Variants in RCOR2 observed in about 807,000 individuals in gnomAD.
RCOR2 encodes REST corepressor 2.
A neutral mutation model predicts 58.9 loss-of-function variants in RCOR2; 19 were observed. The observed-to-expected ratio is 0.32, with a 90% CI of 0.23 to 0.47. RCOR2 has a LOEUF of 0.47. Ranked by LOEUF, RCOR2 falls within the 20% of genes least tolerant of loss-of-function variation. The pLI is 1.00. For synonymous variants in RCOR2, 286 were observed against 278.7 expected, an observed-to-expected ratio of 1.03 and a Z score of -0.26; for missense variants, 590 against 707.9, an observed-to-expected ratio of 0.83 and a Z score of 1.89.
In RCOR2 at chr11:63,911,654, G is replaced by T. The variant is rs1166975714; in HGVS notation, c.*211C>A. 4.3e-6 allele frequency: 3 copies of T among 700,082 alleles called. No individual in the cohort carries two copies. Among genetic ancestry groups the T allele is most frequent in the African/African-American group, 1.9e-5 (1 of 52,652 alleles). The allele number at this position is 700,082 out of a possible 1,614,324, so 43.4% of individuals were successfully genotyped here. A position where few individuals can be genotyped will look rare whatever the true frequency, so the allele number is the denominator to read the frequency against. ...AAAGTGCCCTCAGGCCAGCTCAAAG[G>T]CCCCTGAGCCCGGCCATGGCCCCAG... On this transcript the variant is annotated 3_prime_UTR_variant, in exon 12 of 12. Transcript: ENST00000301459.
At chr11:63,925,588 T>G in the RCOR2 span, among the ~76,000 whole-genome samples, 1 of 149,362 alleles carries the variant, frequency 6.7e-6, no homozygotes, top group African/African-American at 2.5e-5. Flanking sequence ...GAGGCAGAGG[T>G]GGGTGAATCG....
At position 63,916,355 on chromosome 11, in the gene RCOR2, G is replaced by A; in HGVS notation, c.102C>T (p.Asp34=). ...PNGGQPHSED[D]SSEEEHSHDS... ...CGTGCGAGTGCTCCTCCTCGCTGCT[G>A]TCATCCTCCGAGTGGGGCTGTCCGC... The change falls in exon 1 of 12, where the codon GAC becomes GAT. Residue 34 remains aspartate, a synonymous_variant. Transcript: ENST00000301459. 1 of 1,607,482 alleles carries A rather than the reference G, an allele frequency of 6.2e-7. No individual in the cohort carries two copies.
At chr11:63,919,565 T>C (rs1941902577), upstream of RCOR2, among the ~76,000 whole-genome samples, 1 of 151,522 alleles carries the variant, frequency 6.6e-6, no homozygotes, top group Admixed American at 6.5e-5. Flanking sequence ...GGCACAGAGG[T>C]GCCACGTGGC....
chr11:63,926,708 ACTCCTGAC>A, the RCOR2 span, among the ~76,000 whole-genome samples: 1 of 143,384 alleles, frequency 7.0e-6, no homozygotes, highest in Non-Finnish European at 1.5e-5. Context: ...CTGGTCTTGA[ACTCCTGAC>A]CTCACGATCC....
chr11:63,915,316 A>T, intron 2 of RCOR2, 58 bp from the exon 3 acceptor site: 1 of 1,473,812 alleles, frequency 6.8e-7, no homozygotes, highest in Non-Finnish European at 9.3e-7. Context: ...GCACAAGCCT[A>T]GACCCATGGC....
Position 63,912,549 on chromosome 11 carries a change from AG to A in RCOR2, c.1028-16del. ...CCTACGGATGGCTGCAAGGGTCAAAAGGGCAGCAGCGTCAATACCCCTTCGA... is the reference window on the plus strand; with the variant it reads ...CCTACGGATGGCTGCAAGGGTCAAAAGGCAGCAGCGTCAATACCCCTTCGA... On this transcript the variant is annotated splice_polypyrimidine_tract_variant and intron_variant, in intron 10 of 11. Coordinates refer to ENST00000301459, the MANE Select transcript of RCOR2 (RefSeq NM_173587.4). The A allele has an allele frequency of 6.2e-7, 1 of 1,606,824 alleles. No individual in the cohort carries two copies. Among genetic ancestry groups the A allele is most frequent in the Non-Finnish European group, 8.5e-7 (1 of 1,173,422 alleles).
intron 8 of RCOR2, among the ~76,000 whole-genome samples, chr11:63,913,180 A>ATTTTTTT (rs1161435029): frequency 1.9e-5 from 2 of 104,292 alleles, no homozygotes; most frequent in African/African-American, 3.8e-5. Flanking sequence ...ATATATATAT[A>ATTTTTTT]TATATTTTTT....
At chr11:63,924,014 T>A in the RCOR2 span, among the ~76,000 whole-genome samples, 1 of 152,236 alleles carries the variant, frequency 6.6e-6, no homozygotes, top group Non-Finnish European at 1.5e-5. Flanking sequence ...GTTCAAGCGA[T>A]TCTCCTGCCT....
the RCOR2 span, among the ~76,000 whole-genome samples, chr11:63,923,180 G>A: frequency 2.0e-5 from 3 of 151,616 alleles, no homozygotes; most frequent in African/African-American, 4.9e-5. Flanking sequence ...CTCAGTGCCA[G>A]CCCCACCACA....
At position 63,915,589 on chromosome 11, in the gene RCOR2, G is replaced by C. The variant is rs749806083; in HGVS notation, c.150C>G (p.Thr50=). 6.9e-6 allele frequency: 10 copies of C among 1,458,244 alleles called. No homozygotes were observed. Among genetic ancestry groups the C allele is most frequent in the Non-Finnish European group, 8.3e-6 (9 of 1,088,172 alleles). The allele number at this position is 1,458,244 out of a possible 1,614,324, so 90.3% of individuals were successfully genotyped here. A position where few individuals can be genotyped will look rare whatever the true frequency, so the allele number is the denominator to read the frequency against. The change falls in exon 2 of 12, where the codon ACC becomes ACG. Residue 50 remains threonine (T), a synonymous_variant. Coordinates refer to ENST00000301459, the MANE Select transcript of RCOR2 (RefSeq NM_173587.4). Reference sequence around the variant, plus strand: ...ACTCCGGAATTACGGCCTGGTAATTGGTTCCAACGCGGATCATGCTGTCTG... The same window carrying C: ...ACTCCGGAATTACGGCCTGGTAATTCGTTCCAACGCGGATCATGCTGTCTG... ...HSHDSMIRVG[T]NYQAVIPECK... is the part of the protein sequence containing the mutation.
chr11:63,926,451 G>A, the RCOR2 span, among the ~76,000 whole-genome samples: 5 of 150,828 alleles, frequency 3.3e-5, 1 homozygote, highest in South Asian at 8.4e-4. Context: ...CTGGAATGAA[G>A]CTCCTCCTTT....
At chr11:63,917,594 A>AC (rs1042832004), upstream of RCOR2, among the ~76,000 whole-genome samples, 7 of 150,488 alleles carry the variant, frequency 4.7e-5, no homozygotes, top group Non-Finnish European at 8.9e-5. Flanking sequence ...CGCAGGGGGG[A>AC]CCCCCCTTAT....
At position 63,916,322 on chromosome 11, in the gene RCOR2, G is replaced by C. The variant is rs1309901070; in HGVS notation, c.127+8C>G. The C allele has an allele frequency of 2.5e-6, 4 of 1,599,512 alleles. No individual in the cohort carries two copies. The highest frequency in any genetic ancestry group is 1.1e-5 in the South Asian group (1 of 88,828). On this transcript the variant is annotated splice_region_variant and intron_variant, in intron 1 of 11. Coordinates refer to ENST00000301459, the MANE Select transcript of RCOR2 (RefSeq NM_173587.4). ...GGCGCGCCTTTAACCCTAGGCCACC[G>C]GGCTCACCGTGCGAGTGCTCCTCCT...
In RCOR2 at chr11:63,912,393, T is replaced by C. The variant is rs769724342; in HGVS notation, c.1169A>G (p.Gln390Arg). ...GACTGGGGCTCCAGGGGCCCCATCC[T>C]GCTCAGCCTCCCATTCCTGCAGCAC... ...EEVLQEWEAEQDGAPGAPVPM... is the reference protein window; with the variant it reads ...EEVLQEWEAERDGAPGAPVPM... Residue 390 changes from glutamine (Q) to arginine (R), a missense_variant, in exon 11 of 12, where the codon CAG (glutamine) becomes CGG (arginine). Physicochemically the swap from Gln to Arg is conservative, Grantham distance 43 (BLOSUM62 1). This residue lies in a region of RCOR2 where 196 missense variants were observed against 210.7 expected (regional missense o/e 0.93). Coordinates refer to ENST00000301459, the MANE Select transcript of RCOR2 (RefSeq NM_173587.4). The C allele has an allele frequency of 2.5e-6, 4 of 1,613,834 alleles. No homozygotes were observed. In the South Asian group the frequency reaches 3.3e-5, roughly 13 times the overall value.
chr11:63,919,206 G>A (rs1413237990), upstream of RCOR2, among the ~76,000 whole-genome samples: 2 of 152,068 alleles, frequency 1.3e-5, no homozygotes, highest in African/African-American at 4.8e-5. Context: ...GGGGTCCAGA[G>A]GGAAGGCGCA....
At chr11:63,916,078 G>T (rs1436027431) in intron 1 of RCOR2, among the ~76,000 whole-genome samples, 1 of 152,212 alleles carries the variant, frequency 6.6e-6, no homozygotes, top group Non-Finnish European at 1.5e-5. Context: ...GCAAGGGAGG[G>T]ATGCCTCGGT....
Position 63,915,598 on chromosome 11 carries a change from G to C in RCOR2, c.141C>G (p.Arg47=). 1 of 1,461,010 alleles carries C rather than the reference G, an allele frequency of 6.8e-7. No homozygotes were observed. Among genetic ancestry groups the C allele is most frequent in the Non-Finnish European group, 9.2e-7 (1 of 1,088,202 alleles). The allele number at this position is 1,461,010 out of a possible 1,614,324, so 90.5% of individuals were successfully genotyped here. The part of the protein sequence containing the change: ...EEEHSHDSMI[R]VGTNYQAVIP... ...TTACGGCCTGGTAATTGGTTCCAAC[G>C]CGGATCATGCTGTCTGTGGAGCCAG... is the stretch of plus-strand genomic sequence containing the variant. Residue 47 remains arginine, a synonymous_variant, in exon 2 of 12, where the codon CGC becomes CGG. Transcript: ENST00000301459.
Position 63,914,969 on chromosome 11 carries a change from G to A in RCOR2, c.266-15C>T, listed in dbSNP as rs557675606. 5 of 1,613,882 alleles carry A rather than the reference G, an allele frequency of 3.1e-6. No individual in the cohort carries two copies. The East Asian group carries it at 6.7e-5, about 22-fold the overall frequency. On this transcript the variant is annotated splice_polypyrimidine_tract_variant and intron_variant, in intron 3 of 11. Coordinates refer to ENST00000301459, the MANE Select transcript of RCOR2 (RefSeq NM_173587.4). ...GTACTTGTCAACTGCAGGGGCAGCA[G>A]GGGCAGGGTCTTGGTGAAGGGGGTT...
In RCOR2 at chr11:63,911,432, C is replaced by G. The variant is rs562711270; in HGVS notation, c.*433G>C. 120 of 153,414 alleles carry G rather than the reference C, an allele frequency of 7.8e-4. No individual in the cohort carries two copies. Among genetic ancestry groups the G allele is most frequent in the Non-Finnish European group, 1.5e-3 (100 of 68,828 alleles). The allele number at this position is 153,414 out of a possible 1,614,324, so 9.5% of individuals were successfully genotyped here. ...GTAAGGCCCCTCTGCCCACCTCCCC[C>G]CCTGCAGCCTCCCTCCCCACCTCAC... On this transcript the variant is annotated 3_prime_UTR_variant, in exon 12 of 12. Coordinates refer to ENST00000301459, the MANE Select transcript of RCOR2 (RefSeq NM_173587.4).
Sources: gnomAD v4.1 joint callset for allele counts (sites outside exome capture counted in the v4.1 genomes callset) on GRCh38, gnomAD v4.1.1 for gene constraint, gnomAD v4.1.1 regional missense constraint, MANE v1.5 for transcripts, NCBI Gene and HGNC (gene_info 2026-07-23, HGNC 2026-07-21) for gene names.